THAP9: variants seen among roughly 807,000 people sequenced by gnomAD.
The protein encoded by THAP9 is THAP domain containing 9.
Under a neutral mutation model 35.7 loss-of-function variants are expected in THAP9, and 20 were observed. That is an observed-to-expected ratio of 0.56 (90% confidence interval 0.39 to 0.81). The LOEUF is 0.81. THAP9 is among the 40% of genes least tolerant of loss of function. The pLI is 0.00. For synonymous variants in THAP9, 335 were observed against 373.7 expected, an observed-to-expected ratio of 0.90 and a Z score of 1.19; for missense variants, 870 against 1,047.4, an observed-to-expected ratio of 0.83 and a Z score of 2.34.
chr4:82,904,917 G>C lies in THAP9; in HGVS notation c.262G>C (p.Val88Leu), dbSNP rs756068215. The change falls in exon 2 of 5, where the codon GTT becomes CTT. Residue 88 changes from valine to leucine, a missense_variant. Transcript: ENST00000302236. The part of the protein sequence containing the change: ...RKLKKGAVPS[V>L]SLYKIPQGVH... ...GCTGAAAAAAGGAGCTGTGCCTTCT[G>C]TTTCTCTATACAAGGTATTTAAATG... The C allele has an allele frequency of 3.7e-6, 6 of 1,614,010 alleles. No homozygotes were observed. The highest frequency in any genetic ancestry group is 5.1e-6 in the Non-Finnish European group (6 of 1,179,988).
intron 4 of THAP9, among the ~76,000 whole-genome samples, chr4:82,912,046 T>TA (rs1270439855): frequency 6.6e-6 from 1 of 152,324 alleles, no homozygotes; most frequent in African/African-American, 2.4e-5. Flanking sequence ...CTACATCAGA[T>TA]ATTTCTCTAA....
chr4:82,901,361 A>T (rs988243517), intron 1 of THAP9, among the ~76,000 whole-genome samples: 3 of 152,112 alleles, frequency 2.0e-5, no homozygotes, highest in Non-Finnish European at 4.4e-5. Flanking sequence ...GGGAAGTTTC[A>T]TTTGGCTCGA....
chr4:82,918,380 C>G lies in THAP9; in HGVS notation c.2168C>G (p.Ala723Gly), dbSNP rs1721119562. Residue 723 changes from alanine to glycine, a missense_variant, in exon 5 of 5, where the codon GCA (alanine) becomes GGA (glycine). Ala to Gly is a moderately conservative substitution (Grantham distance 60, BLOSUM62 0). This residue lies in a region of THAP9 where 414 missense variants were observed against 500.8 expected (regional missense o/e 0.83). Transcript: ENST00000302236. ...RNLICYAGYV[A>G]NKLSALLTCE... ...CTCATCTGTTATGCTGGTTATGTTG[C>G]AAACAAGTTATCAGCTCTTTTAACT... 4 of 1,614,170 alleles carry G rather than the reference C, an allele frequency of 2.5e-6. No individual in the cohort carries two copies. In the South Asian group the frequency reaches 4.4e-5, roughly 18 times the overall value.
chr4:82,917,898 T>G lies in THAP9; in HGVS notation c.1686T>G (p.Asn562Lys). The part of the protein sequence containing the change: ...TIFVTLSDTS[N>K]NQIIKGKQKL... ...TTGTTACATTATCTGACACTAGCAA[T>G]AATCAAATAATTAAAGGTAAGCAAA... Residue 562 changes from asparagine (N) to lysine (K), a missense_variant, in exon 5 of 5, where the codon AAT becomes AAG. By Grantham distance (94) the Asn-to-Lys change is moderately conservative. Coordinates refer to ENST00000302236, the MANE Select transcript of THAP9 (RefSeq NM_024672.6). The G allele has an allele frequency of 1.2e-6, 2 of 1,613,766 alleles. No individual in the cohort carries two copies. Among genetic ancestry groups the G allele is most frequent in the South Asian group, 2.2e-5 (2 of 91,064 alleles).
Position 82,904,308 on chromosome 4 carries a change from C to T in THAP9, c.81-428C>T, listed in dbSNP as rs147143447. Among the ~76,000 whole-genome samples the T allele has an allele frequency of 8.2e-3, 1,246 of 152,014 alleles. 20 individuals are homozygous for T. Among genetic ancestry groups the T allele is most frequent in the African/African-American group, 0.028 (1,161 of 41,358 alleles). The stretch of plus-strand genomic sequence containing the variant: ...TTGAACTCCTGACTGCTGATCCTCC[C>T]GCCTCAGCCTCCCAAAGTGCTGGGA... On this transcript the variant is annotated intron_variant, in intron 1 of 4. Transcript: ENST00000302236.
chr4:82,917,616 G>T lies in THAP9; in HGVS notation c.1404G>T (p.Leu468Phe), dbSNP rs200408650. ...MERIPSTLAN[L>F]KNHVLKVNSA... ...GAATACCAAGTACACTTGCAAATTT[G>T]AAAAATCATGTACTGAAAGTGAATA... is the stretch of plus-strand genomic sequence containing the variant. Residue 468 changes from leucine to phenylalanine, a missense_variant, in exon 5 of 5, where the codon TTG becomes TTT. Physicochemically the swap from Leu to Phe is conservative, Grantham distance 22 (BLOSUM62 0). Around this residue, in one of 3 missense-constraint regions of THAP9, gnomAD observed 414 missense variants for 500.8 expected, o/e 0.83. Transcript: ENST00000302236. The T allele has an allele frequency of 4.5e-5, 73 of 1,613,922 alleles. No homozygotes were observed. The East Asian group carries it at 1.6e-3, about 35-fold the overall frequency.
At chr4:82,907,994 A>C in intron 4 of THAP9, 59 bp downstream of exon 4, 2 of 1,497,910 alleles carry the variant, frequency 1.3e-6, no homozygotes, top group South Asian at 2.4e-5. Flanking sequence ...CATCTTGTTG[A>C]TTGCATGTTA....
In THAP9 at chr4:82,904,765, A is replaced by C; in HGVS notation, c.110A>C (p.Lys37Thr). 2 of 1,614,154 alleles carry C rather than the reference A, an allele frequency of 1.2e-6. No individual in the cohort carries two copies. The highest frequency in any genetic ancestry group is 2.2e-5 in the South Asian group (2 of 91,084). Reference sequence around the variant, plus strand: ...CCAACTGATACCATACAGCGCTCAAAATGGATCAGGGCTGTTAATCGTGTG... The same window carrying C: ...CCAACTGATACCATACAGCGCTCAACATGGATCAGGGCTGTTAATCGTGTG... ...QFPTDTIQRSKWIRAVNRVDP... is the reference protein window; with the variant it reads ...QFPTDTIQRSTWIRAVNRVDP... The change falls in exon 2 of 5, where the codon AAA becomes ACA. Residue 37 changes from lysine to threonine, a missense_variant. Lys to Thr is a moderately conservative substitution (Grantham distance 78, BLOSUM62 -1). This residue lies in a region of THAP9 where 440 missense variants were observed against 501.2 expected (regional missense o/e 0.88). Coordinates refer to ENST00000302236, the MANE Select transcript of THAP9 (RefSeq NM_024672.6).
At chr4:82,901,288 C>G in intron 1 of THAP9, 1 of 416,410 alleles carries the variant, frequency 2.4e-6, no homozygotes, top group Admixed American at 2.6e-5. Context: ...ATTGCAAGTT[C>G]TTAAGTGCTG....
chr4:82,906,940 G>T (rs1323399745), intron 3 of THAP9, among the ~76,000 whole-genome samples: 1 of 152,098 alleles, frequency 6.6e-6, no homozygotes, highest in Admixed American at 6.5e-5. Flanking sequence ...ACTTTTTGTA[G>T]TAGCTCTTAC....
rs566064206 is a variant in THAP9 at position 82,901,028 on chromosome 4, C to G, written c.80+146C>G. ...CGTGCGCAGCGTCGGGGCGTGGGAGCGGAATTGGGGCACTGTGAGAATTGA... is the reference window on the plus strand; with the variant it reads ...CGTGCGCAGCGTCGGGGCGTGGGAGGGGAATTGGGGCACTGTGAGAATTGA... On this transcript the variant is annotated intron_variant, in intron 1 of 4. Coordinates refer to ENST00000302236, the MANE Select transcript of THAP9 (RefSeq NM_024672.6). 3.1e-4 allele frequency: 299 copies of G among 949,706 alleles called. 1 individual carries two copies. Among genetic ancestry groups the G allele is most frequent in the South Asian group, 1.1e-3 (81 of 72,028 alleles). 58.8% of individuals were successfully genotyped at this position (949,706 alleles called of 1,614,324 possible). A position where few individuals can be genotyped will look rare whatever the true frequency, so the allele number is the denominator to read the frequency against.
At position 82,919,963 on chromosome 4, in the gene THAP9, C is replaced by T. The variant is rs962852231; in HGVS notation, c.*1039C>T. 2 of 150,430 alleles carry T rather than the reference C, an allele frequency of 1.3e-5. No homozygotes were observed. Among genetic ancestry groups the T allele is most frequent in the Non-Finnish European group, 3.0e-5 (2 of 66,836 alleles). 9.3% of individuals were successfully genotyped at this position (150,430 alleles called of 1,614,324 possible). On this transcript the variant is annotated 3_prime_UTR_variant, in exon 5 of 5. Transcript: ENST00000302236. ...AGTATATTGATTAAAATTCCCCTTA[C>T]AAAGTATATTTTGATGTTTGTTTAT... is the stretch of plus-strand genomic sequence containing the variant.
intron 3 of THAP9, 53 bp from the exon 4 acceptor site, chr4:82,907,732 T>C: frequency 7.4e-7 from 1 of 1,351,814 alleles, no homozygotes; most frequent in Non-Finnish European, 1.0e-6. Context: ...CTATAATCTG[T>C]ACCTGAAAAT....
intron 4 of THAP9, among the ~76,000 whole-genome samples, chr4:82,914,538 C>T (rs1249194366): frequency 6.6e-6 from 1 of 152,146 alleles, no homozygotes; most frequent in Non-Finnish European, 1.5e-5. Context: ...GGGATAGTAT[C>T]TCATTGCGGT....
rs1721144337 is a variant in THAP9, at chr4:82,918,876, T to A, written c.2664T>A (p.Ser888Arg). 6.2e-7 allele frequency: 1 copy of A among 1,610,208 alleles called. No individual in the cohort carries two copies. Among genetic ancestry groups the A allele is most frequent in the Non-Finnish European group, 8.5e-7 (1 of 1,178,272 alleles). Residue 888 changes from serine (S) to arginine (R), a missense_variant, in exon 5 of 5, where the codon AGT (serine) becomes AGA (arginine). Around this residue, in one of 3 missense-constraint regions of THAP9, gnomAD observed 414 missense variants for 500.8 expected, o/e 0.83. Transcript: ENST00000302236. ...AATGTTCAAGTTTTGCTAATACCAG[T>A]AGTAAATTCAGGCATTTGCTAAGTA... ...DYKCSSFANT[S>R]SKFRHLLSND...
chr4:82,918,787 C>T lies in THAP9; in HGVS notation c.2575C>T (p.His859Tyr). ...TGTTGCACAGAATCCTTTAAAACAT[C>T]ATTCAGAGAGAACTGATATGAAAAC... Reference protein sequence around the residue: ...KNVAQNPLKHHSERTDMKTLS... With the variant: ...KNVAQNPLKHYSERTDMKTLS... Residue 859 changes from histidine to tyrosine, a missense_variant, in exon 5 of 5, where the codon CAT becomes TAT. Physicochemically the swap from His to Tyr is moderately conservative, Grantham distance 83 (BLOSUM62 2). This residue lies in a region of THAP9 where 414 missense variants were observed against 500.8 expected (regional missense o/e 0.83). Coordinates refer to ENST00000302236, the MANE Select transcript of THAP9 (RefSeq NM_024672.6). 1 of 1,613,754 alleles carries T rather than the reference C, an allele frequency of 6.2e-7. No homozygotes were observed. Among genetic ancestry groups the T allele is most frequent in the Non-Finnish European group, 8.5e-7 (1 of 1,179,888 alleles).
intron 4 of THAP9, among the ~76,000 whole-genome samples, chr4:82,914,402 T>G (rs371287213): frequency 1.3e-4 from 20 of 152,308 alleles, no homozygotes; most frequent in African/African-American, 4.8e-4. Context: ...AGGAATCACT[T>G]TCCACAACAA....
At chr4:82,910,560 G>A (rs1720830082) in intron 4 of THAP9, 2 of 200,560 alleles carry the variant, frequency 1.0e-5, no homozygotes, top group Admixed American at 6.2e-5. Context: ...ATTAATATAA[G>A]ATTCTTATAT....
intron 1 of THAP9, among the ~76,000 whole-genome samples, chr4:82,903,887 G>A (rs13144052): frequency 0.18 from 28,061 of 152,004 alleles, 2,773 homozygotes; most frequent in South Asian, 0.32. Flanking sequence ...TTTATAACAT[G>A]CCAGATACCT....
Sources: gnomAD v4.1 joint callset for allele counts (sites outside exome capture counted in the v4.1 genomes callset) on GRCh38, gnomAD v4.1.1 for gene constraint, gnomAD v4.1.1 regional missense constraint, MANE v1.5 for transcripts, NCBI Gene and HGNC (gene_info 2026-07-23, HGNC 2026-07-21) for gene names.